Variants in TMEM94 observed in about 807,000 individuals in gnomAD.
TMEM94 encodes transmembrane protein 94, also known as ER Mg2+ ATPase.
A neutral mutation model predicts 158.6 loss-of-function variants in TMEM94; 81 were observed. The ratio of observed to expected loss-of-function variants is 0.51; its 90% CI spans 0.43 to 0.61. The LOEUF is 0.61. Ranked by LOEUF, TMEM94 falls within the 20% of genes least tolerant of loss-of-function variation. TMEM94 has a pLI of 0.00. For synonymous variants in TMEM94, 751 were observed against 730.7 expected (o/e 1.03, Z -0.45); for missense variants, 1,435 against 1,762.0 (o/e 0.81, Z 3.32).
In TMEM94 at chr17:75,492,828, G is replaced by A. The variant is rs373008848; in HGVS notation, c.1912+39G>A. On this transcript the variant is annotated intron_variant, in intron 15 of 31. Transcript: ENST00000314256. The surrounding 1 kb of genome is among the most constrained non-coding windows in gnomAD (Gnocchi z 4.4). ...TGGCAGGGGATGGCTGGCTGGACCC[G>A]CCTCCTAGAAGAGGCCCAGTACCAA... 179 of 1,585,072 alleles carry A rather than the reference G, an allele frequency of 1.1e-4. No homozygotes were observed. Among genetic ancestry groups the A allele is most frequent in the Non-Finnish European group, 1.5e-4 (171 of 1,166,022 alleles).
At chr17:75,460,618 A>G (rs970668534) in intron 1 of TMEM94, among the ~76,000 whole-genome samples, 1 of 7,984 alleles carries the variant, frequency 1.3e-4, no homozygotes, top group Non-Finnish European at 2.1e-4. Context: ...GGCTCAGGTG[A>G]TCCTTCCACC....
rs559924279 is a variant in TMEM94, at chr17:75,491,521, C to A, written c.1386+66C>A. On this transcript the variant is annotated intron_variant, in intron 13 of 31. Coordinates refer to ENST00000314256, the MANE Select transcript of TMEM94 (RefSeq NM_014738.6). This position sits in a 1 kb window ranked among gnomAD's most constrained non-coding sequence, Gnocchi z 5.1. ...TGGGCCAGGCTGTTTAGCCTTGGAG[C>A]CTGGCCAGGGAGGGTGAGGTTTCGG... 2.0e-5 allele frequency: 32 copies of A among 1,609,558 alleles called. No homozygotes were observed. In the East Asian group the frequency reaches 6.2e-4, roughly 31 times the overall value.
At chr17:75,462,511 A>T (rs1160694877) in intron 1 of TMEM94, among the ~76,000 whole-genome samples, 1 of 150,960 alleles carries the variant, frequency 6.6e-6, no homozygotes, top group Admixed American at 6.7e-5. Context: ...ATGGGAGCTC[A>T]TTGCTTCACA....
chr17:75,464,620 T>TTTCCTTCCTTCCTTCCTTCCTTCC, intron 1 of TMEM94, among the ~76,000 whole-genome samples: 3 of 89,470 alleles, frequency 3.4e-5, no homozygotes, highest in Admixed American at 1.3e-4. Context: ...CCTTTCTTTC[T>TTTCCTTCCTTCCTTCCTTCCTTCC]TTCCTTCCTT....
In TMEM94 at chr17:75,463,176, G is replaced by GTATA. The variant is rs1377936337; in HGVS notation, c.-107+6426_-107+6427insATAT. ...CGTATATATATGTGTGTGTGTGTGT[G>GTATA]TGTATATATATATATATATATACAG... On this transcript the variant is annotated intron_variant, in intron 1 of 31. Transcript: ENST00000314256. Among the ~76,000 whole-genome samples the GTATA allele has an allele frequency of 3.1e-3, 28 of 9,040 alleles. 3 individuals are homozygous for GTATA. Among genetic ancestry groups the GTATA allele is most frequent in the African/African-American group, 0.015 (21 of 1,396 alleles). 5.9% of individuals were successfully genotyped at this position (9,040 alleles called of 152,430 possible). A position where few individuals can be genotyped will look rare whatever the true frequency, so the allele number is the denominator to read the frequency against.
rs572791218 is a variant in TMEM94, at chr17:75,466,592, G to A, written c.-106-5208G>A. ...GCACTTTGGGAGGCCGAGGCAGGTG[G>A]GATCACCTGGGGTCAGGAGTTCAAG... On this transcript the variant is annotated intron_variant, in intron 1 of 31. Coordinates refer to ENST00000314256, the MANE Select transcript of TMEM94 (RefSeq NM_014738.6). 2.7e-3 allele frequency among the ~76,000 whole-genome samples: 415 copies of A among 152,110 alleles called. 1 individual carries two copies. Among genetic ancestry groups the A allele is most frequent in the Non-Finnish European group, 4.2e-3 (284 of 67,968 alleles).
intron 1 of TMEM94, among the ~76,000 whole-genome samples, chr17:75,467,674 A>G (rs2050356736): frequency 6.6e-6 from 1 of 150,852 alleles, no homozygotes; most frequent in South Asian, 2.1e-4. Context: ...CTGGGACTAC[A>G]GGCGCCCGCC....
chr17:75,499,848 G>A lies in TMEM94; in HGVS notation c.*514G>A, dbSNP rs1330437805. ...CCGAGTGCCTCCCCTCCCTCCCTCT[G>A]TGGGGGAGTCTCCCGCCTGAACCTG... On this transcript the variant is annotated 3_prime_UTR_variant, in exon 32 of 32. Transcript: ENST00000314256. 1 of 158,724 alleles carries A rather than the reference G, an allele frequency of 6.3e-6. No individual in the cohort carries two copies. Among genetic ancestry groups the A allele is most frequent in the Non-Finnish European group, 1.4e-5 (1 of 71,368 alleles). 9.8% of individuals were successfully genotyped at this position (158,724 alleles called of 1,614,324 possible). A position where few individuals can be genotyped will look rare whatever the true frequency, so the allele number is the denominator to read the frequency against.
chr17:75,485,976 TGCG>T lies in TMEM94; in HGVS notation c.252_254del (p.Cys84_Gly85delinsTrp). Reference sequence around the variant, plus strand: ...GGCCGTGCTGCTGCTGCTGGGCTGCTGCGGGGGACAGCCAGCCGGGAGGTGTGC... The same window carrying T: ...GGCCGTGCTGCTGCTGCTGGGCTGCTGGGGACAGCCAGCCGGGAGGTGTGC... On this transcript the variant is annotated inframe_deletion, in exon 4 of 32. Coordinates refer to ENST00000314256, the MANE Select transcript of TMEM94 (RefSeq NM_014738.6). This position sits in a 1 kb window ranked among gnomAD's most constrained non-coding sequence, Gnocchi z 5.5. 2 of 1,612,214 alleles carry T rather than the reference TGCG, an allele frequency of 1.2e-6. No individual in the cohort carries two copies. Among genetic ancestry groups the T allele is most frequent in the Non-Finnish European group, 1.7e-6 (2 of 1,179,540 alleles).
intron 2 of TMEM94, chr17:75,476,714 T>C (rs1280622673): frequency 4.6e-6 from 7 of 1,535,694 alleles, no homozygotes; most frequent in East Asian, 4.9e-5. Flanking sequence ...GGCAGAGCTA[T>C]GGATGCCCCA....
rs752970639 is a variant in TMEM94 at position 75,494,811 on chromosome 17, G to A, written c.2589+3G>A. The A allele has an allele frequency of 6.2e-7, 1 of 1,613,476 alleles. No homozygotes were observed. The highest frequency in any genetic ancestry group is 1.1e-5 in the South Asian group (1 of 91,086). The stretch of plus-strand genomic sequence containing the variant: ...TGGAGGATGAGCTCAAAAGCAAGGT[G>A]GGGAGAGCCATCCCTTCTGCCACCA... On this transcript the variant is annotated splice_donor_region_variant and intron_variant, in intron 19 of 31. Coordinates refer to ENST00000314256, the MANE Select transcript of TMEM94 (RefSeq NM_014738.6).
intron 2 of TMEM94, among the ~76,000 whole-genome samples, chr17:75,479,651 C>T (rs189165322): frequency 1.3e-5 from 2 of 151,908 alleles, no homozygotes; most frequent in Non-Finnish European, 2.9e-5. Flanking sequence ...GGTACAGTGG[C>T]TCACACCTGT....
Position 75,485,955 on chromosome 17 carries a change from G to A in TMEM94, c.229G>A (p.Val77Met), listed in dbSNP as rs554281979. The A allele has an allele frequency of 1.9e-5, 31 of 1,613,268 alleles. No homozygotes were observed. The highest frequency in any genetic ancestry group is 8.9e-5 in the East Asian group (4 of 44,874). Reference sequence around the variant, plus strand: ...GGGGGCCTCACTCATGCTACTGGCCGTGCTGCTGCTGCTGGGCTGCTGCGG... The same window carrying A: ...GGGGGCCTCACTCATGCTACTGGCCATGCTGCTGCTGCTGGGCTGCTGCGG... ...WPGASLMLLA[V>M]LLLLGCCGGQ... Residue 77 changes from valine (V) to methionine (M), a missense_variant, in exon 4 of 32, where the codon GTG (valine) becomes ATG (methionine). Physicochemically the swap from Val to Met is conservative, Grantham distance 21. This residue lies in a region of TMEM94 where 1,051 missense variants were observed against 1,254.4 expected (regional missense o/e 0.84). Transcript: ENST00000314256. This position sits in a 1 kb window ranked among gnomAD's most constrained non-coding sequence, Gnocchi z 5.5.
In TMEM94 at chr17:75,499,096, A is replaced by C; in HGVS notation, c.3998+14A>C. On this transcript the variant is annotated intron_variant, in intron 31 of 31. Coordinates refer to ENST00000314256, the MANE Select transcript of TMEM94 (RefSeq NM_014738.6). ...ACATGAGATTCGGTGAGCTGTCAGCAGGGCGCCTCCCTCTGGGCTCAGGCA... is the reference window on the plus strand; with the variant it reads ...ACATGAGATTCGGTGAGCTGTCAGCCGGGCGCCTCCCTCTGGGCTCAGGCA... The C allele has an allele frequency of 6.3e-7, 1 of 1,576,614 alleles. No individual in the cohort carries two copies. Among genetic ancestry groups the C allele is most frequent in the Non-Finnish European group, 8.6e-7 (1 of 1,159,512 alleles).
At position 75,489,426 on chromosome 17, in the gene TMEM94, G is replaced by C. The variant is rs1021223027; in HGVS notation, c.867+58G>C. ...GGGCAGAGGAGAGGGCTGGACACGG[G>C]GGGGTCTCAGGGCCACTCACATGAG... On this transcript the variant is annotated intron_variant, in intron 8 of 31. Coordinates refer to ENST00000314256, the MANE Select transcript of TMEM94 (RefSeq NM_014738.6). The surrounding 1 kb of genome is among the most constrained non-coding windows in gnomAD (Gnocchi z 5.0). The C allele has an allele frequency of 3.2e-6, 5 of 1,543,310 alleles. No homozygotes were observed. The highest frequency in any genetic ancestry group is 1.1e-5 in the South Asian group (1 of 89,600).
Position 75,493,518 on chromosome 17 carries a change from C to A in TMEM94, c.2114C>A (p.Thr705Asn). The change falls in exon 17 of 32, where the codon ACC (threonine) becomes AAC (asparagine). Residue 705 changes from threonine (T) to asparagine (N), a missense_variant. By Grantham distance (65) the Thr-to-Asn change is moderately conservative (BLOSUM62 0). Coordinates refer to ENST00000314256, the MANE Select transcript of TMEM94 (RefSeq NM_014738.6). ...TSTEQMLSHG[T>N]ADVVLEACTD... Reference sequence around the variant, plus strand: ...ACAGAGCAGATGCTGTCCCATGGCACCGCTGATGTGGTCTTAGAGGCCTGC... The same window carrying A: ...ACAGAGCAGATGCTGTCCCATGGCAACGCTGATGTGGTCTTAGAGGCCTGC... 6.2e-7 allele frequency: 1 copy of A among 1,614,008 alleles called. No homozygotes were observed. The highest frequency in any genetic ancestry group is 1.3e-5 in the African/African-American group (1 of 75,038).
intron 1 of TMEM94, among the ~76,000 whole-genome samples, chr17:75,470,014 A>G (rs1413789372): frequency 2.6e-5 from 4 of 151,938 alleles, no homozygotes; most frequent in Non-Finnish European, 4.4e-5. Flanking sequence ...CAGAGGTTGC[A>G]GTGAGCCGAG....
chr17:75,477,320 T>C (rs1047804500), intron 2 of TMEM94, among the ~76,000 whole-genome samples: 3 of 152,168 alleles, frequency 2.0e-5, no homozygotes, highest in Non-Finnish European at 4.4e-5. Context: ...GAAGAGTGTA[T>C]AGTGGCTGAA....
At chr17:75,458,333 GGTA>G (rs1450062131) in intron 1 of TMEM94, among the ~76,000 whole-genome samples, 1 of 151,824 alleles carries the variant, frequency 6.6e-6, no homozygotes, top group Non-Finnish European at 1.5e-5. Flanking sequence ...ATTCTGAAGA[GGTA>G]GTTTAAAAAA....
Sources: gnomAD v4.1 joint callset for allele counts (sites outside exome capture counted in the v4.1 genomes callset) on GRCh38, gnomAD v4.1.1 for gene constraint, gnomAD v4.1.1 regional missense constraint, Gnocchi (gnomAD v3.1) non-coding constraint, MANE v1.5 for transcripts, NCBI Gene and HGNC (gene_info 2026-07-23, HGNC 2026-07-21) for gene names.